Variants in TRAPPC13 observed in about 807,000 individuals in gnomAD.
TRAPPC13 encodes the protein REV7-interacting novel NHEJ regulator 1.
A neutral mutation model predicts 54.0 loss-of-function variants in TRAPPC13; 39 were observed. The observed-to-expected ratio is 0.72, with a 90% confidence interval of 0.56 to 0.94. The LOEUF (loss-of-function observed/expected upper bound fraction) is 0.94. TRAPPC13 is among the 40% of genes least tolerant of loss of function. The pLI is 0.00. For missense variants in TRAPPC13, 386 were observed against 488.1 expected (o/e 0.79, Z 1.97); for synonymous variants, 148 against 167.7 (o/e 0.88, Z 0.91).
intron 8 of TRAPPC13, among the ~76,000 whole-genome samples, chr5:65,656,860 C>A (rs747486925): frequency 6.6e-6 from 1 of 151,994 alleles, no homozygotes; most frequent in African/African-American, 2.4e-5. Flanking sequence ...GAGCTGAGAT[C>A]GCACCACTGC....
intron 1 of TRAPPC13, chr5:65,630,251 T>A (rs762558363): frequency 6.5e-7 from 1 of 1,535,806 alleles, no homozygotes; most frequent in Non-Finnish European, 8.7e-7. Flanking sequence ...GTATTGTGAA[T>A]ATGTGGGAAG....
chr5:65,627,640 A>AT (rs1251167629), intron 1 of TRAPPC13, among the ~76,000 whole-genome samples: 1 of 151,288 alleles, frequency 6.6e-6, no homozygotes, highest in East Asian at 1.9e-4. Flanking sequence ...AAAAAAAAAA[A>AT]GTCATCCCTT....
intron 5 of TRAPPC13, among the ~76,000 whole-genome samples, chr5:65,649,806 T>G (rs1441233349): frequency 6.6e-6 from 1 of 152,190 alleles, no homozygotes; most frequent in Admixed American, 6.5e-5. Context: ...AACTTAAAAT[T>G]TTTTACATAA....
At chr5:65,661,902 AG>A (rs1756863184) in intron 10 of TRAPPC13, 147 bp from the exon 11 acceptor site, 2 of 524,870 alleles carry the variant, frequency 3.8e-6, no homozygotes, top group Non-Finnish European at 3.3e-6. Flanking sequence ...TTAAAATGAG[AG>A]ACAAGTAAAG....
chr5:65,638,657 G>A (rs1051055578), intron 4 of TRAPPC13, among the ~76,000 whole-genome samples: 1 of 152,174 alleles, frequency 6.6e-6, no homozygotes, highest in African/African-American at 2.4e-5. Context: ...CAAAGAAAGA[G>A]GTTTAATGGA....
chr5:65,638,948 G>A lies in TRAPPC13; in HGVS notation c.300+1168G>A, dbSNP rs527381188. ...AAAATACAGAAATTAGCCAGGAGTG[G>A]TGGCGTGTGCTTGTAATCCCAGCTA... On this transcript the variant is annotated intron_variant, in intron 4 of 12. Coordinates refer to ENST00000399438, the MANE Select transcript of TRAPPC13 (RefSeq NM_024941.4). Among the ~76,000 whole-genome samples the A allele has an allele frequency of 1.6e-3, 236 of 152,250 alleles. 1 individual carries two copies. The highest frequency in any genetic ancestry group is 5.6e-3 in the African/African-American group (234 of 41,536).
rs749484680 is a variant in TRAPPC13 at position 65,635,366 on chromosome 5, C to A, written c.112C>A (p.Pro38Thr). Residue 38 changes from proline (P) to threonine (T), a missense_variant, in exon 2 of 13, where the codon CCT (proline) becomes ACT (threonine). Coordinates refer to ENST00000399438, the MANE Select transcript of TRAPPC13 (RefSeq NM_024941.4). The part of the protein sequence containing the change: ...IPVTCEEKDL[P>T]GDLFNQLMRD... Reference sequence around the variant, plus strand: ...AGTAACATGTGAAGAGAAAGACTTACCTGGTATGGCACATGCTTTCCTCTA... The same window carrying A: ...AGTAACATGTGAAGAGAAAGACTTAACTGGTATGGCACATGCTTTCCTCTA... 3.7e-6 allele frequency: 6 copies of A among 1,612,496 alleles called. No individual in the cohort carries two copies. The highest frequency in any genetic ancestry group is 5.1e-6 in the Non-Finnish European group (6 of 1,178,846).
Position 65,652,440 on chromosome 5 carries a change from A to G in TRAPPC13, c.502-61A>G, listed in dbSNP as rs1756500200. The G allele has an allele frequency of 2.5e-6, 3 of 1,177,306 alleles. No homozygotes were observed. The South Asian group carries it at 4.0e-5, about 16-fold the overall frequency. 72.9% of individuals were successfully genotyped at this position (1,177,306 alleles called of 1,614,324 possible). On this transcript the variant is annotated intron_variant, in intron 6 of 12. Transcript: ENST00000399438. ...TGACAAACTTACACTATTTGATTTA[A>G]ATAAATAAATAAATGGTCACATGAT...
At chr5:65,654,624 C>T (rs1202472099) in intron 7 of TRAPPC13, among the ~76,000 whole-genome samples, 1 of 152,096 alleles carries the variant, frequency 6.6e-6, no homozygotes, top group Non-Finnish European at 1.5e-5. Flanking sequence ...GTAAGTGATG[C>T]TTATTGCTCT....
At chr5:65,643,588 G>T (rs1046746981) in intron 4 of TRAPPC13, among the ~76,000 whole-genome samples, 1 of 152,002 alleles carries the variant, frequency 6.6e-6, no homozygotes, top group East Asian at 1.9e-4. Context: ...GGAGGCCGAG[G>T]CGGGCGGATC....
At chr5:65,643,436 G>A (rs1025415971) in intron 4 of TRAPPC13, among the ~76,000 whole-genome samples, 5 of 151,906 alleles carry the variant, frequency 3.3e-5, no homozygotes, top group African/African-American at 4.8e-5. Flanking sequence ...AACTTCATCC[G>A]TCTTATACTA....
At position 65,655,397 on chromosome 5, in the gene TRAPPC13, T is replaced by C. The variant is rs80080910; in HGVS notation, c.547-239T>C. Reference sequence around the variant, plus strand: ...CCCTTAACAGTTTGCTACTGTTGAGTATTCAGCCATAGGGTTCTTCTCTAT... The same window carrying C: ...CCCTTAACAGTTTGCTACTGTTGAGCATTCAGCCATAGGGTTCTTCTCTAT... On this transcript the variant is annotated intron_variant, in intron 7 of 12. Coordinates refer to ENST00000399438, the MANE Select transcript of TRAPPC13 (RefSeq NM_024941.4). Among the ~76,000 whole-genome samples the C allele has an allele frequency of 8.5e-3, 1,298 of 152,292 alleles. 6 individuals are homozygous for C. Among genetic ancestry groups the C allele is most frequent in the Non-Finnish European group, 0.014 (941 of 68,008 alleles).
In TRAPPC13 at chr5:65,654,199, G is replaced by A. The variant is rs542982016; in HGVS notation, c.547-1437G>A. On this transcript the variant is annotated intron_variant, in intron 7 of 12. Transcript: ENST00000399438. ...TGCTAGTTTTTCTATAAACATTATA[G>A]AAGTGACATGCTCTCCATAAAGAAA... Among the ~76,000 whole-genome samples, 6 of 152,162 alleles carry A rather than the reference G, an allele frequency of 3.9e-5. No homozygotes were observed. In the South Asian group the frequency reaches 1.0e-3, roughly 26 times the overall value.
chr5:65,662,413 C>T, intron 11 of TRAPPC13: 1 of 258,358 alleles, frequency 3.9e-6, no homozygotes, highest in Non-Finnish European at 7.2e-6. Flanking sequence ...GTTTATACTT[C>T]CTTCACCAAA....
At chr5:65,636,916 T>TA (rs1755769687) in intron 3 of TRAPPC13, among the ~76,000 whole-genome samples, 1 of 152,190 alleles carries the variant, frequency 6.6e-6, no homozygotes, top group Non-Finnish European at 1.5e-5. Context: ...TATATTCATG[T>TA]AAAAAGTATA....
intron 9 of TRAPPC13, among the ~76,000 whole-genome samples, chr5:65,659,589 G>A (rs2150691520): frequency 6.6e-6 from 1 of 152,242 alleles, no homozygotes; most frequent in African/African-American, 2.4e-5. Flanking sequence ...AAAGGACATA[G>A]GAATAGATGG....
chr5:65,660,749 A>G lies in TRAPPC13; in HGVS notation c.749A>G (p.Gln250Arg), dbSNP rs1283639449. 1 of 1,613,666 alleles carries G rather than the reference A, an allele frequency of 6.2e-7. No homozygotes were observed. The highest frequency in any genetic ancestry group is 1.7e-5 in the Admixed American group (1 of 59,998). Reference protein sequence around the residue: ...RAYLQPMDTRQYLYCLKPKNE... With the variant: ...RAYLQPMDTRRYLYCLKPKNE... ...TATTTGCAACCAATGGATACACGCC[A>G]GTACTTATACTGCCTAAAGCCAAAG... The change falls in exon 10 of 13, where the codon CAG becomes CGG. Residue 250 changes from glutamine to arginine, a missense_variant. Transcript: ENST00000399438.
At chr5:65,630,767 AATG>A in intron 1 of TRAPPC13, 1 of 731,022 alleles carries the variant, frequency 1.4e-6, no homozygotes, top group Non-Finnish European at 1.7e-6. Flanking sequence ...CTAGATTTAT[AATG>A]ATGTTTCCAA....
At chr5:65,650,028 T>C (rs1351402099) in intron 5 of TRAPPC13, among the ~76,000 whole-genome samples, 2 of 151,598 alleles carry the variant, frequency 1.3e-5, no homozygotes, top group Non-Finnish European at 2.9e-5. Flanking sequence ...AGCTGATTTT[T>C]TGTATTTTTT....
Sources: gnomAD v4.1 joint callset for allele counts (sites outside exome capture counted in the v4.1 genomes callset) on GRCh38, gnomAD v4.1.1 for gene constraint, MANE v1.5 for transcripts, NCBI Gene and HGNC (gene_info 2026-07-23, HGNC 2026-07-21) for gene names.